The following GAS6 variants were observed in gnomAD, a reference collection of about 807,000 sequenced individuals.
GAS6 encodes the protein growth arrest-specific protein 6.
GAS6 carries 41 observed loss-of-function variants against 75.8 expected under a neutral mutation model. The observed-to-expected ratio is 0.54, with a 90% CI of 0.42 to 0.70. GAS6 has a LOEUF of 0.70. Among genes scored for constraint, GAS6 ranks in the 30% least tolerant of loss-of-function variants. GAS6 has a pLI of 0.00. For synonymous variants in GAS6, 432 were observed against 412.6 expected (o/e 1.05, Z -0.57); for missense variants, 854 against 940.2 (o/e 0.91, Z 1.20).
rs911979157 is a variant in GAS6 at position 113,845,604 on chromosome 13, A to T, written c.343+923T>A. On this transcript the variant is annotated intron_variant, in intron 4 of 14. Transcript: ENST00000327773. The surrounding 1 kb of genome is among the most constrained non-coding windows in gnomAD (Gnocchi z 4.3). ...AAAAGACTTGTGGCAAGCTGAAAAA[A>T]TTTTTGATAACTTTACTACCAATGG... is the stretch of plus-strand genomic sequence containing the variant. 7.1e-6 allele frequency: 1 copy of T among 141,790 alleles called. No individual in the cohort carries two copies. Among genetic ancestry groups the T allele is most frequent in the East Asian group, 1.9e-4 (1 of 5,202 alleles). 8.8% of individuals were successfully genotyped at this position (141,790 alleles called of 1,614,324 possible). A position where few individuals can be genotyped will look rare whatever the true frequency, so the allele number is the denominator to read the frequency against.
intron 11 of GAS6, 136 bp from the exon 12 acceptor site, chr13:113,827,300 T>C (rs1594190848): frequency 1.1e-5 from 9 of 789,744 alleles, no homozygotes; most frequent in Non-Finnish European, 1.9e-5. Context: ...CCATCGGTGG[T>C]GGCCATTTCA....
Position 113,832,563 on chromosome 13 carries a change from T to C in GAS6, c.953+71A>G, listed in dbSNP as rs41284480. On this transcript the variant is annotated intron_variant, in intron 9 of 14. Coordinates refer to ENST00000327773, the MANE Select transcript of GAS6 (RefSeq NM_000820.4). ...CGGCCCCTCCCTGCTGGCCGAACCCTGGCCCGGGCCCTGTGAAGCCAGTGT... is the reference window on the plus strand; with the variant it reads ...CGGCCCCTCCCTGCTGGCCGAACCCCGGCCCGGGCCCTGTGAAGCCAGTGT... 3.5e-3 allele frequency: 5,573 copies of C among 1,602,340 alleles called. 12 individuals are homozygous for C. The highest frequency in any genetic ancestry group is 4.4e-3 in the Non-Finnish European group (5,188 of 1,172,454).
At chr13:113,834,445 C>T in intron 8 of GAS6, 106 bp downstream of exon 8, 1 of 1,230,394 alleles carries the variant, frequency 8.1e-7, no homozygotes, top group Non-Finnish European at 1.1e-6. Flanking sequence ...ATCCCCAACA[C>T]CTTAGCAAAG....
rs1020630653 is a variant in GAS6, at chr13:113,834,782, C to G, written c.713-110G>C. On this transcript the variant is annotated intron_variant, in intron 7 of 14. Coordinates refer to ENST00000327773, the MANE Select transcript of GAS6 (RefSeq NM_000820.4). ...CACGCAAGGTGCGCTCAAGGAATTA[C>G]ATGCAGATTCTAACGGGGGCGGCTT... is the stretch of plus-strand genomic sequence containing the variant. 96 of 1,215,474 alleles carry G rather than the reference C, an allele frequency of 7.9e-5. No homozygotes were observed. The African/African-American group carries it at 1.4e-3, about 18-fold the overall frequency. 75.3% of individuals were successfully genotyped at this position (1,215,474 alleles called of 1,614,324 possible).
rs1436964877 is a variant in GAS6, at chr13:113,848,319, C to A, written c.256-269G>T. ...AGGACAAGAATGCTTCCAAGTAAAA[C>A]CCCACTCTTAGTTCCCTGTTGACAT... On this transcript the variant is annotated intron_variant, in intron 2 of 14. Coordinates refer to ENST00000327773, the MANE Select transcript of GAS6 (RefSeq NM_000820.4). The surrounding 1 kb of genome is among the most constrained non-coding windows in gnomAD (Gnocchi z 4.8). Among the ~76,000 whole-genome samples, 1 of 152,144 alleles carries A rather than the reference C, an allele frequency of 6.6e-6. No individual in the cohort carries two copies. Among genetic ancestry groups the A allele is most frequent in the Non-Finnish European group, 1.5e-5 (1 of 68,032 alleles).
intron 2 of GAS6, among the ~76,000 whole-genome samples, chr13:113,856,384 A>G (rs372183041): frequency 1.2e-4 from 19 of 152,176 alleles, no homozygotes; most frequent in African/African-American, 4.1e-4. Flanking sequence ...AGCCCTCCAC[A>G]GCCTCTCAGG....
rs1170061936 is a variant in GAS6, at chr13:113,821,940, G to T, written c.1882+18C>A. ...CTGGAGCTCTTCACCCGGGTTGAGC[G>T]GAGCAGGGAGCACCTACCTGGCAGG... On this transcript the variant is annotated intron_variant, in intron 14 of 14. Transcript: ENST00000327773. 3 of 1,506,064 alleles carry T rather than the reference G, an allele frequency of 2.0e-6. No individual in the cohort carries two copies. The highest frequency in any genetic ancestry group is 2.7e-6 in the Non-Finnish European group (3 of 1,125,952). 93.3% of individuals were successfully genotyped at this position (1,506,064 alleles called of 1,614,324 possible).
In GAS6 at chr13:113,845,946, A is replaced by G. The variant is rs909842467; in HGVS notation, c.343+581T>C. Among the ~76,000 whole-genome samples the G allele has an allele frequency of 6.6e-6, 1 of 152,252 alleles. No individual in the cohort carries two copies. Among genetic ancestry groups the G allele is most frequent in the African/African-American group, 2.4e-5 (1 of 41,458 alleles). On this transcript the variant is annotated intron_variant, in intron 4 of 14. Coordinates refer to ENST00000327773, the MANE Select transcript of GAS6 (RefSeq NM_000820.4). This position sits in a 1 kb window ranked among gnomAD's most constrained non-coding sequence, Gnocchi z 4.3. Reference sequence around the variant, plus strand: ...TTCCATCCTTGGGAACGCATCCCGCAGACACTCAGACGTGTGGGAGGCAAC... The same window carrying G: ...TTCCATCCTTGGGAACGCATCCCGCGGACACTCAGACGTGTGGGAGGCAAC...
rs374812984 is a variant in GAS6 at position 113,833,583 on chromosome 13, A to G, written c.835-831T>C. On this transcript the variant is annotated intron_variant, in intron 8 of 14. Transcript: ENST00000327773. Reference sequence around the variant, plus strand: ...TGCATTCCTACCGGTGTGACAGGTCAGTGTGACAGGTCGGTGTGACAGGCA... The same window carrying G: ...TGCATTCCTACCGGTGTGACAGGTCGGTGTGACAGGTCGGTGTGACAGGCA... 1.5e-5 allele frequency: 15 copies of G among 1,013,420 alleles called. No homozygotes were observed. In the South Asian group the frequency reaches 1.5e-4, roughly 10 times the overall value. 62.8% of individuals were successfully genotyped at this position (1,013,420 alleles called of 1,614,324 possible).
intron 10 of GAS6, among the ~76,000 whole-genome samples, chr13:113,831,185 C>G (rs1210538011): frequency 6.6e-6 from 1 of 152,200 alleles, no homozygotes; most frequent in Non-Finnish European, 1.5e-5. Flanking sequence ...CCCACAGCTG[C>G]CCAAGTGCAG....
Position 113,835,591 on chromosome 13 carries a change from A to T in GAS6, c.634T>A (p.Cys212Ser), listed in dbSNP as rs2051692420. The T allele has an allele frequency of 2.5e-6, 4 of 1,612,378 alleles. No individual in the cohort carries two copies. In the East Asian group the frequency reaches 6.7e-5, roughly 27 times the overall value. ...ADSEACGEAR[C>S]KNLPGSYSCL... ...GAGTAGGAGCCGGGCAGGTTCTTGC[A>T]GCGCGCCTCCCCGCAGGCCTCCGAG... The change falls in exon 7 of 15, where the codon TGC (cysteine) becomes AGC (serine). Residue 212 changes from cysteine (C) to serine (S), a missense_variant. Coordinates refer to ENST00000327773, the MANE Select transcript of GAS6 (RefSeq NM_000820.4).
chr13:113,829,885 C>A (rs1218495314), intron 10 of GAS6, among the ~76,000 whole-genome samples: 1 of 151,490 alleles, frequency 6.6e-6, no homozygotes, highest in African/African-American at 2.4e-5. Flanking sequence ...TCAGGGAGAC[C>A]CCCTGATCCA....
At chr13:113,858,637 G>A (rs1385177512) in intron 2 of GAS6, among the ~76,000 whole-genome samples, 5 of 110,736 alleles carry the variant, frequency 4.5e-5, no homozygotes, top group Admixed American at 3.5e-4. Flanking sequence ...GCATGTCTGT[G>A]TGTTTGTGAC....
At chr13:113,831,251 G>A (rs1013953001) in intron 10 of GAS6, among the ~76,000 whole-genome samples, 10 of 152,180 alleles carry the variant, frequency 6.6e-5, no homozygotes, top group African/African-American at 2.2e-4. Context: ...TGGTCAGGAC[G>A]TCTCTGGCAA....
chr13:113,854,099 G>C (rs1163247953), intron 2 of GAS6, among the ~76,000 whole-genome samples: 2 of 152,202 alleles, frequency 1.3e-5, no homozygotes, highest in Non-Finnish European at 2.9e-5. Flanking sequence ...GCGGTGACAG[G>C]TGCCTCTGCC....
intron 2 of GAS6, among the ~76,000 whole-genome samples, chr13:113,852,993 G>A (rs569161062): frequency 6.6e-6 from 1 of 152,164 alleles, no homozygotes; most frequent in South Asian, 2.1e-4. Context: ...GGGCCGGGGG[G>A]ACTCTTCCCC....
chr13:113,828,605 T>C lies in GAS6; in HGVS notation c.1250A>G (p.Tyr417Cys), dbSNP rs777715890. 3.1e-6 allele frequency: 5 copies of C among 1,613,476 alleles called. No homozygotes were observed. Among genetic ancestry groups the C allele is most frequent in the Non-Finnish European group, 4.2e-6 (5 of 1,179,988 alleles). Residue 417 changes from tyrosine to cysteine, a missense_variant, in exon 11 of 15, where the codon TAT becomes TGT. Coordinates refer to ENST00000327773, the MANE Select transcript of GAS6 (RefSeq NM_000820.4). ...GDLFQPERGL[Y>C]HLNLTVGGIP... ...ACCTCCCACGGTCAGGTTCAGATGA[T>C]ACAGTCCTCGCTCCGGTTGGAACAA...
rs534045942 is a variant in GAS6, at chr13:113,847,566, G to A, written c.280+460C>T. 5.3e-5 allele frequency: 10 copies of A among 188,852 alleles called. No homozygotes were observed. The East Asian group carries it at 7.2e-4, about 14-fold the overall frequency. The allele number at this position is 188,852 out of a possible 1,614,324, so 11.7% of individuals were successfully genotyped here. A position where few individuals can be genotyped will look rare whatever the true frequency, so the allele number is the denominator to read the frequency against. On this transcript the variant is annotated intron_variant, in intron 3 of 14. Coordinates refer to ENST00000327773, the MANE Select transcript of GAS6 (RefSeq NM_000820.4). ...CAGCTGCTCTGATGGCTGAGATAAC[G>A]TCTGGCATTCCCGTTCTTCAAATTA...
chr13:113,823,727 A>G lies in GAS6; in HGVS notation c.1478-177T>C, dbSNP rs546190768. Among the ~76,000 whole-genome samples the G allele has an allele frequency of 4.7e-4, 71 of 152,310 alleles. 1 individual carries two copies. The highest frequency in any genetic ancestry group is 1.7e-3 in the African/African-American group (69 of 41,574). ...TGGTTCAGATCTTGGCCCGGAGCCC[A>G]GAGGCACCGGGGACCCCCAGGCTGT... On this transcript the variant is annotated intron_variant, in intron 12 of 14. Transcript: ENST00000327773.
Sources: gnomAD v4.1 joint callset for allele counts (sites outside exome capture counted in the v4.1 genomes callset) on GRCh38, gnomAD v4.1.1 for gene constraint, Gnocchi (gnomAD v3.1) non-coding constraint, MANE v1.5 for transcripts, NCBI Gene and HGNC (gene_info 2026-07-23, HGNC 2026-07-21) for gene names.